The following ZDHHC15 variants were observed in gnomAD, a reference collection of about 807,000 sequenced individuals.
ZDHHC15 encodes zDHHC palmitoyltransferase 15.
In ZDHHC15, 19 loss-of-function variants were observed where a neutral mutation model predicts 31.7. The observed-to-expected ratio is 0.60, with a 90% CI of 0.42 to 0.88. The LOEUF (loss-of-function observed/expected upper bound fraction) is 0.88, where lower values mean the gene tolerates loss of function less well. Ranked by LOEUF, ZDHHC15 falls within the 40% of genes least tolerant of loss-of-function variation. ZDHHC15 has a pLI of 0.00. For synonymous variants in ZDHHC15, 103 were observed against 90.0 expected (o/e 1.14, Z -0.82); for missense variants, 209 against 251.2 (o/e 0.83, Z 1.14).
intron 3 of ZDHHC15, among the ~76,000 whole-genome samples, chrX:75,473,807 A>T (rs1250828153): frequency 4.5e-5 from 5 of 111,953 alleles, no homozygotes; most frequent in African/African-American, 1.6e-4. Context: ...CACTCGTACT[A>T]AGAAAATATC....
Position 75,371,653 on chromosome X carries a change from A to G in ZDHHC15, c.*1325T>C, listed in dbSNP as rs773460986. 1 of 111,735 alleles carries G rather than the reference A, an allele frequency of 8.9e-6. No individual in the cohort carries two copies. The highest frequency in any genetic ancestry group is 2.8e-4 in the East Asian group (1 of 3,576). The allele number at this position is 111,735 out of a possible 1,213,427, so 9.2% of individuals were successfully genotyped here. A position where few individuals can be genotyped will look rare whatever the true frequency, so the allele number is the denominator to read the frequency against. ...AGCTCAATTCCTTGATACCTGTAAG[A>G]TGCTTCTAAATTCCACTGATCTCTA... On this transcript the variant is annotated 3_prime_UTR_variant, in exon 12 of 12. Transcript: ENST00000373367.
At chrX:75,495,893 G>T (rs1379689931) in intron 2 of ZDHHC15, among the ~76,000 whole-genome samples, 1 of 105,664 alleles carries the variant, frequency 9.5e-6, no homozygotes, top group Admixed American at 1.0e-4. Flanking sequence ...TAACTAACCT[G>T]CACATTGTGC....
intron 10 of ZDHHC15, among the ~76,000 whole-genome samples, chrX:75,412,201 G>A (rs922289342): frequency 9.0e-6 from 1 of 111,657 alleles, no homozygotes; most frequent in Non-Finnish European, 1.9e-5. Context: ...CGCCATTACA[G>A]AAAACAGTAT....
chrX:75,515,734 G>C (rs748142206), intron 1 of ZDHHC15, among the ~76,000 whole-genome samples: 2 of 111,276 alleles, frequency 1.8e-5, no homozygotes, highest in African/African-American at 3.3e-5. Flanking sequence ...TTCTGGCCAG[G>C]GCAATCAGGC....
chrX:75,381,529 A>G (rs1171302704), intron 10 of ZDHHC15, among the ~76,000 whole-genome samples: 3 of 111,663 alleles, frequency 2.7e-5, no homozygotes, highest in Non-Finnish European at 1.9e-5. Context: ...TGTCTCTCCA[A>G]ATTTCAATCC....
intron 10 of ZDHHC15, among the ~76,000 whole-genome samples, chrX:75,413,974 T>C (rs1376683228): frequency 9.0e-6 from 1 of 111,486 alleles, no homozygotes; most frequent in Non-Finnish European, 1.9e-5. Context: ...CCCATCCAAT[T>C]TGAAGGAAAT....
intron 2 of ZDHHC15, among the ~76,000 whole-genome samples, chrX:75,487,739 G>A (rs927211400): frequency 6.3e-5 from 7 of 111,861 alleles, no homozygotes; most frequent in African/African-American, 2.3e-4. Flanking sequence ...ACTCAAGGAG[G>A]CACCAGACAA....
At chrX:75,515,005 C>A (rs60612715) in intron 1 of ZDHHC15, among the ~76,000 whole-genome samples, 1 of 111,546 alleles carries the variant, frequency 9.0e-6, no homozygotes. Context: ...GACACATACA[C>A]CATCCCAAGA....
intron 2 of ZDHHC15, among the ~76,000 whole-genome samples, chrX:75,495,060 C>T (rs1445127808): frequency 1.8e-5 from 2 of 111,549 alleles, no homozygotes; most frequent in Non-Finnish European, 3.8e-5. Context: ...TATCCAGAAT[C>T]TACAATGAAC....
At chrX:75,441,931 G>C (rs930503628) in intron 4 of ZDHHC15, among the ~76,000 whole-genome samples, 3 of 110,834 alleles carry the variant, frequency 2.7e-5, no homozygotes, top group African/African-American at 9.8e-5. Flanking sequence ...CCACCCTGTG[G>C]TAGTTCTTAG....
At chrX:75,423,610 G>C (rs943967089) in intron 8 of ZDHHC15, among the ~76,000 whole-genome samples, 1 of 99,784 alleles carries the variant, frequency 1.0e-5, no homozygotes, top group African/African-American at 3.7e-5. Flanking sequence ...TGGACCTTTA[G>C]GTTGATTCCA....
intron 7 of ZDHHC15, among the ~76,000 whole-genome samples, chrX:75,426,535 T>A (rs1177000926): frequency 2.7e-5 from 3 of 110,779 alleles, no homozygotes; most frequent in Non-Finnish European, 5.7e-5. Context: ...GTAATAGCCA[T>A]CAGAGAGAGA....
At chrX:75,381,126 G>A (rs2083110207) in intron 10 of ZDHHC15, among the ~76,000 whole-genome samples, 1 of 111,020 alleles carries the variant, frequency 9.0e-6, no homozygotes, top group Non-Finnish European at 1.9e-5. Flanking sequence ...CTGTAAAATA[G>A]GGGCAATACT....
At position 75,492,422 on chromosome X, in the gene ZDHHC15, C is replaced by A. The variant is rs187949354; in HGVS notation, c.163+13399G>T. Among the ~76,000 whole-genome samples, 370 of 111,124 alleles carry A rather than the reference C, an allele frequency of 3.3e-3. 1 individual carries two copies. The highest frequency in any genetic ancestry group is 6.0e-3 in the Non-Finnish European group (316 of 53,037). ...CCAGGAATTGAACTGAGCTCTGCACCAAGCGGACCTAATAGACATCTACAG... is the reference window on the plus strand; with the variant it reads ...CCAGGAATTGAACTGAGCTCTGCACAAAGCGGACCTAATAGACATCTACAG... On this transcript the variant is annotated intron_variant, in intron 2 of 11. Coordinates refer to ENST00000373367, the MANE Select transcript of ZDHHC15 (RefSeq NM_144969.3).
At chrX:75,416,710 A>G (rs1161489982) in intron 10 of ZDHHC15, among the ~76,000 whole-genome samples, 1 of 111,733 alleles carries the variant, frequency 8.9e-6, no homozygotes, top group Non-Finnish European at 1.9e-5. Flanking sequence ...TTTTAAAGAA[A>G]ATTTAACCAA....
chrX:75,494,468 T>G (rs774511901), intron 2 of ZDHHC15, among the ~76,000 whole-genome samples: 3 of 111,503 alleles, frequency 2.7e-5, no homozygotes, highest in Non-Finnish European at 5.6e-5. Flanking sequence ...AGAGCCCACA[T>G]TGCCAAGTCA....
At chrX:75,515,804 G>T (rs1352733423) in intron 1 of ZDHHC15, among the ~76,000 whole-genome samples, 2 of 111,833 alleles carry the variant, frequency 1.8e-5, no homozygotes, top group South Asian at 3.7e-4. Flanking sequence ...GTCCCTGTTT[G>T]CAGATGATAT....
chrX:75,451,499 C>T (rs980131356), intron 3 of ZDHHC15, among the ~76,000 whole-genome samples: 7 of 111,863 alleles, frequency 6.3e-5, no homozygotes, highest in African/African-American at 1.9e-4. Flanking sequence ...CACAATAGTG[C>T]CACATTTTGC....
At chrX:75,418,718 A>G (rs1432935445) in intron 9 of ZDHHC15, among the ~76,000 whole-genome samples, 13 of 112,186 alleles carry the variant, frequency 1.2e-4, no homozygotes, top group Non-Finnish European at 1.5e-4. Flanking sequence ...AGGATTCCCT[A>G]TTTAACAAAT....
Sources: gnomAD v4.1 joint callset for allele counts (sites outside exome capture counted in the v4.1 genomes callset) on GRCh38, gnomAD v4.1.1 for gene constraint, MANE v1.5 for transcripts, NCBI Gene and HGNC (gene_info 2026-07-23, HGNC 2026-07-21) for gene names.